Variants in PIK3C2G observed in about 807,000 individuals in gnomAD.
The protein encoded by PIK3C2G is phosphatidylinositol 3-kinase C2 domain-containing subunit gamma.
In PIK3C2G, 168 loss-of-function variants were observed where a neutral mutation model predicts 181.1. The observed-to-expected ratio is 0.93, with a 90% CI of 0.82 to 1.05. The LOEUF (loss-of-function observed/expected upper bound fraction) is 1.05, where lower values mean the gene tolerates loss of function less well. PIK3C2G is among the 50% of genes least tolerant of loss of function. The pLI, the probability that PIK3C2G is intolerant of heterozygous loss-of-function variation, is 0.00. For synonymous variants in PIK3C2G, 573 were observed against 592.2 expected (o/e 0.97, Z 0.47); for missense variants, 1,869 against 1,732.8 (o/e 1.08, Z -1.40).
In PIK3C2G at chr12:18,450,358, T is replaced by C. The variant is rs527870550; in HGVS notation, c.2504+26319T>C. Among the ~76,000 whole-genome samples the C allele has an allele frequency of 1.5e-3, 226 of 152,258 alleles. 1 individual carries two copies. Among genetic ancestry groups the C allele is most frequent in the Non-Finnish European group, 2.6e-3 (178 of 67,988 alleles). On this transcript the variant is annotated intron_variant, in intron 18 of 32. Transcript: ENST00000538779. ...CCAGGCTGGTCTCGAACTCCCAACC[T>C]CAGGTGATCCACCCGCCTCAGCCTC...
chr12:18,338,418 A>T lies in PIK3C2G; in HGVS notation c.1273-8A>T. ...TAGATTGTAAGATGTGAATCTTGTT[A>T]TCTACAGGAAAACGTGTATAATATT... On this transcript the variant is annotated splice_region_variant and splice_polypyrimidine_tract_variant and intron_variant, in intron 8 of 32. Coordinates refer to ENST00000538779, the MANE Select transcript of PIK3C2G (RefSeq NM_001288772.2). 6.5e-7 allele frequency: 1 copy of T among 1,541,124 alleles called. No homozygotes were observed. Among genetic ancestry groups the T allele is most frequent in the Non-Finnish European group, 8.9e-7 (1 of 1,124,334 alleles).
chr12:18,638,402 C>T (rs1251911487), intron 31 of PIK3C2G, among the ~76,000 whole-genome samples: 1 of 152,150 alleles, frequency 6.6e-6, no homozygotes, highest in Non-Finnish European at 1.5e-5. Context: ...TTAGGAGCTC[C>T]ATGTTCCAAA....
intron 10 of PIK3C2G, 143 bp from the exon 11 acceptor site, chr12:18,346,498 T>G (rs1039676898): frequency 4.2e-5 from 21 of 496,376 alleles, no homozygotes; most frequent in Non-Finnish European, 7.4e-5. Flanking sequence ...GAGGTACAGA[T>G]AGTTAATTCT....
chr12:18,460,833 T>A (rs1947883370), intron 18 of PIK3C2G, among the ~76,000 whole-genome samples: 2 of 151,960 alleles, frequency 1.3e-5, no homozygotes, highest in African/African-American at 2.4e-5. Context: ...GACACCGTAT[T>A]AGGGTAAAAT....
intron 1 of PIK3C2G, among the ~76,000 whole-genome samples, chr12:18,263,538 G>GCAGTAT (rs906981328): frequency 1.3e-5 from 2 of 152,032 alleles, no homozygotes; most frequent in African/African-American, 2.4e-5. Context: ...TCTCCTTGTA[G>GCAGTAT]CAGTATAAAC....
intron 1 of PIK3C2G, among the ~76,000 whole-genome samples, chr12:18,267,469 A>G (rs1306252690): frequency 2.6e-5 from 4 of 152,130 alleles, no homozygotes; most frequent in African/African-American, 4.8e-5. Flanking sequence ...ATAAGCATTC[A>G]CTTTATTTCT....
upstream of PIK3C2G, among the ~76,000 whole-genome samples, chr12:18,245,743 A>G (rs1948033104): frequency 6.6e-6 from 1 of 152,136 alleles, no homozygotes; most frequent in Admixed American, 6.6e-5. Context: ...GTTTGGTAAT[A>G]AGATTGCTCA....
rs906715016 is a variant in PIK3C2G, at chr12:18,598,182, C to T, written c.4087+3613C>T. 5.3e-4 allele frequency among the ~76,000 whole-genome samples: 80 copies of T among 152,040 alleles called. 1 individual carries two copies. Among genetic ancestry groups the T allele is most frequent in the Middle Eastern group, 3.4e-3 (1 of 294 alleles). On this transcript the variant is annotated intron_variant, in intron 30 of 32. Transcript: ENST00000538779. ...TCATATGGAACCAAAAAAGAGCCCG[C>T]GTTGCCAAGTCAATCCTAAGCCAAA...
At chr12:18,355,626 A>G (rs1940654496) in intron 11 of PIK3C2G, among the ~76,000 whole-genome samples, 1 of 152,014 alleles carries the variant, frequency 6.6e-6, no homozygotes, top group South Asian at 2.1e-4. Context: ...GCTAACTCCC[A>G]CCACCCCACT....
Position 18,648,068 on chromosome 12 carries a change from T to A in PIK3C2G, c.*40T>A. 7.3e-7 allele frequency: 1 copy of A among 1,368,536 alleles called. No homozygotes were observed. The highest frequency in any genetic ancestry group is 9.9e-7 in the Non-Finnish European group (1 of 1,012,976). The allele number at this position is 1,368,536 out of a possible 1,614,324, so 84.8% of individuals were successfully genotyped here. On this transcript the variant is annotated 3_prime_UTR_variant, in exon 33 of 33. Transcript: ENST00000538779. ...ATATGCATTATTCATTAACTACTTG[T>A]ATTTTTTTCACTTCTGGGCCTCTGA...
intron 18 of PIK3C2G, among the ~76,000 whole-genome samples, chr12:18,426,733 T>A (rs1483994718): frequency 6.6e-6 from 1 of 152,184 alleles, no homozygotes; most frequent in Non-Finnish European, 1.5e-5. Flanking sequence ...ATGTTACTCA[T>A]AATGAGATCA....
At chr12:18,714,027 T>C in the PIK3C2G span, among the ~76,000 whole-genome samples, 20 of 152,294 alleles carry the variant, frequency 1.3e-4, no homozygotes, top group East Asian at 3.1e-3. Context: ...ACTGACTTTA[T>C]AATAATGAAT....
chr12:18,428,426 T>G (rs1359257623), intron 18 of PIK3C2G, among the ~76,000 whole-genome samples: 1 of 152,140 alleles, frequency 6.6e-6, no homozygotes, highest in Non-Finnish European at 1.5e-5. Context: ...ATTCACCATA[T>G]TCAAAACTGA....
At chr12:18,694,156 A>G in the PIK3C2G span, 4 of 751,644 alleles carry the variant, frequency 5.3e-6, no homozygotes, top group Admixed American at 7.6e-5. Flanking sequence ...CCTGAAAGGG[A>G]TGAGGCTGGG....
At chr12:18,724,396 A>G in the PIK3C2G span, among the ~76,000 whole-genome samples, 2 of 152,162 alleles carry the variant, frequency 1.3e-5, no homozygotes, top group Non-Finnish European at 2.9e-5. Context: ...CTATAGTATC[A>G]CTAACAAATA....
chr12:18,569,421 GT>G (rs1428355837), intron 29 of PIK3C2G, among the ~76,000 whole-genome samples: 1 of 151,914 alleles, frequency 6.6e-6, no homozygotes, highest in African/African-American at 2.4e-5. Context: ...AGAATGACTG[GT>G]TTTAGGCCAA....
At chr12:18,276,595 T>G (rs1438223938) in intron 1 of PIK3C2G, among the ~76,000 whole-genome samples, 5 of 152,178 alleles carry the variant, frequency 3.3e-5, no homozygotes, top group Non-Finnish European at 5.9e-5. Flanking sequence ...CTTAATAATA[T>G]TCTATATAAA....
At chr12:18,688,449 C>T in the PIK3C2G span, among the ~76,000 whole-genome samples, 1 of 151,860 alleles carries the variant, frequency 6.6e-6, no homozygotes, top group Non-Finnish European at 1.5e-5. Context: ...ACAATGTCCA[C>T]AATTTTTGAT....
chr12:18,717,438 T>C, the PIK3C2G span, among the ~76,000 whole-genome samples: 1 of 152,204 alleles, frequency 6.6e-6, no homozygotes, highest in African/African-American at 2.4e-5. Context: ...ATCTTTTCTA[T>C]TGATGGTTTT....
Sources: allele counts gnomAD v4.1 joint callset (sites outside exome capture counted in the v4.1 genomes callset), GRCh38; gene constraint gnomAD v4.1.1; transcripts MANE v1.5; gene names NCBI Gene and HGNC (gene_info 2026-07-23, HGNC 2026-07-21).